FIRRM: variants seen among roughly 807,000 people sequenced by gnomAD.
FIRRM encodes the protein FIGNL1 interacting regulator of recombination and mitosis, also known as FIGNL1-interacting regulator of recombination and mitosis.
At chr1:169,853,651 A>C in the FIRRM span, 1 of 1,563,952 alleles carries the variant, frequency 6.4e-7, no homozygotes, top group South Asian at 1.1e-5. Context: ...CCTGCTTTTG[A>C]GGTATTGATT....
the FIRRM span, among the ~76,000 whole-genome samples, chr1:169,788,827 G>T: frequency 6.6e-6 from 1 of 152,260 alleles, no homozygotes; most frequent in East Asian, 1.9e-4. Context: ...TTATAAAGTT[G>T]TTCTTTGTAA....
At chr1:169,826,609 C>T in the FIRRM span, among the ~76,000 whole-genome samples, 6 of 142,642 alleles carry the variant, frequency 4.2e-5, no homozygotes, top group East Asian at 6.5e-4. Flanking sequence ...GTGATCCACC[C>T]GCCTCAACCT....
At chr1:169,848,307 A>G in the FIRRM span, among the ~76,000 whole-genome samples, 15 of 152,204 alleles carry the variant, frequency 9.9e-5, no homozygotes, top group African/African-American at 1.9e-4. Context: ...CAGTAAATGT[A>G]TATTACCAGG....
chr1:169,792,805 G>T, the FIRRM span: 4 of 1,613,346 alleles, frequency 2.5e-6, no homozygotes, highest in South Asian at 4.4e-5. Context: ...AATCTGGGTT[G>T]TAAATGGTTT....
chr1:169,850,316 A>G, the FIRRM span: 1 of 1,611,250 alleles, frequency 6.2e-7, no homozygotes, highest in Non-Finnish European at 8.5e-7. Flanking sequence ...TGAAGAAACT[A>G]AGAACAAAGT....
chr1:169,837,211 C>T, the FIRRM span: 5 of 820,956 alleles, frequency 6.1e-6, no homozygotes, highest in Admixed American at 1.1e-4. Context: ...TGCACACACT[C>T]TCTGTTCTCT....
chr1:169,823,436 G>C, the FIRRM span: 1 of 1,598,726 alleles, frequency 6.3e-7, no homozygotes, highest in South Asian at 1.1e-5. Flanking sequence ...TCTGATTCTT[G>C]CTGTACTTTG....
chr1:169,828,096 A>G, the FIRRM span, among the ~76,000 whole-genome samples: 3 of 152,196 alleles, frequency 2.0e-5, no homozygotes, highest in Non-Finnish European at 4.4e-5. Context: ...CATTATAAAC[A>G]TTGATTGTAA....
At chr1:169,826,660 G>A in the FIRRM span, among the ~76,000 whole-genome samples, 1 of 152,124 alleles carries the variant, frequency 6.6e-6, no homozygotes, top group Non-Finnish European at 1.5e-5. Flanking sequence ...ACCACGCTCC[G>A]CCCAAAAACA....
the FIRRM span, chr1:169,849,942 G>A: frequency 4.3e-6 from 2 of 465,752 alleles, no homozygotes; most frequent in Non-Finnish European, 7.7e-6. Context: ...TAAGGGTTAG[G>A]CTGATGAACC....
the FIRRM span, chr1:169,850,488 A>C: frequency 1.7e-6 from 1 of 594,406 alleles, no homozygotes; most frequent in Non-Finnish European, 3.0e-6. Context: ...TTACTAAGCA[A>C]TTGAGGCCAC....
At chr1:169,806,577 T>C in the FIRRM span, among the ~76,000 whole-genome samples, 1,240 of 152,330 alleles carry the variant, frequency 8.1e-3, 20 homozygotes, top group East Asian at 0.031. Flanking sequence ...ATCAGATTCT[T>C]AGGGGTGAGA....
the FIRRM span, among the ~76,000 whole-genome samples, chr1:169,834,775 T>TA: frequency 4.6e-5 from 7 of 152,096 alleles, no homozygotes; most frequent in African/African-American, 1.7e-4. Context: ...TGTCTTATTG[T>TA]AAAAAAACAA....
the FIRRM span, chr1:169,796,059 G>A: frequency 6.7e-6 from 5 of 743,426 alleles, no homozygotes; most frequent in Admixed American, 2.5e-4. Flanking sequence ...AAGAAAAAAA[G>A]TAACCTTCAC....
At chr1:169,803,201 A>G in the FIRRM span, 19 of 1,613,976 alleles carry the variant, frequency 1.2e-5, no homozygotes, top group South Asian at 2.0e-4. Flanking sequence ...CTCTCACAGG[A>G]TGTGTTCAGC....
chr1:169,784,028 C>T, the FIRRM span: 1 of 152,986 alleles, frequency 6.5e-6, no homozygotes, highest in East Asian at 1.9e-4. Context: ...TAGAGAGATC[C>T]TCCCTCCAAG....
the FIRRM span, chr1:169,842,613 TC>T: frequency 6.5e-7 from 1 of 1,543,900 alleles, no homozygotes; most frequent in Non-Finnish European, 8.8e-7. Context: ...ACTGAAATTT[TC>T]CAGTGTAGAG....
the FIRRM span, among the ~76,000 whole-genome samples, chr1:169,836,310 A>C: frequency 6.6e-6 from 1 of 152,194 alleles, no homozygotes; most frequent in South Asian, 2.1e-4. Context: ...TAACATCTGC[A>C]TTTTAACAAA....
chr1:169,814,867 C>G, the FIRRM span, among the ~76,000 whole-genome samples: 2 of 152,162 alleles, frequency 1.3e-5, no homozygotes, highest in Admixed American at 6.5e-5. Context: ...GTTGGCACCC[C>G]TAGACCCCAT....
Sources: gnomAD v4.1 joint callset for allele counts (sites outside exome capture counted in the v4.1 genomes callset) on GRCh38, gnomAD v4.1.1 for gene constraint, MANE v1.5 for transcripts, NCBI Gene and HGNC (gene_info 2026-07-23, HGNC 2026-07-21) for gene names.